Variants in CFTR observed in about 807,000 individuals in gnomAD.
CFTR encodes the protein CF transmembrane conductance regulator.
A neutral mutation model predicts 171.6 loss-of-function variants in CFTR; 181 were observed. The observed-to-expected ratio is 1.05, with a 90% CI of 0.93 to 1.19. The LOEUF is 1.19. Ranked by LOEUF, CFTR falls within the 50% of genes most tolerant of loss-of-function variation. The pLI is 0.00. For synonymous variants in CFTR, 583 were observed against 608.0 expected, an observed-to-expected ratio of 0.96 and a Z score of 0.60; for missense variants, 1,968 against 1,734.7, an observed-to-expected ratio of 1.13 and a Z score of -2.39.
chr7:117,615,677 T>C (rs1377645659), intron 21 of CFTR, among the ~76,000 whole-genome samples: 1 of 151,828 alleles, frequency 6.6e-6, no homozygotes, highest in Non-Finnish European at 1.5e-5. Context: ...CCATTAATAT[T>C]ATAGTAATGC....
At position 117,610,529 on chromosome 7, in the gene CFTR, TTG is replaced by T. The variant is rs397508477; in HGVS notation, c.3002_3003del (p.Val1001AspfsTer45). The T allele has an allele frequency of 1.2e-6, 2 of 1,613,322 alleles. No individual in the cohort carries two copies. Among genetic ancestry groups the T allele is most frequent in the Non-Finnish European group, 1.7e-6 (2 of 1,179,482 alleles). On this transcript the variant is annotated frameshift_variant, in exon 19 of 27. Transcript: ENST00000003084. LOFTEE classifies it high-confidence loss of function. ...TCTTTGATCTTACAGTTGTTATTAA[TTG>T]TGATTGGAGCTATAGCAGTTGTCGC... is the stretch of plus-strand genomic sequence containing the variant.
intron 11 of CFTR, among the ~76,000 whole-genome samples, chr7:117,562,214 G>A (rs1041605458): frequency 3.3e-5 from 5 of 152,152 alleles, no homozygotes; most frequent in Non-Finnish European, 7.4e-5. Flanking sequence ...CCTTTGAGGT[G>A]AAGAATACTG....
At chr7:117,600,239 C>T (rs1262400347) in intron 15 of CFTR, among the ~76,000 whole-genome samples, 4 of 151,904 alleles carry the variant, frequency 2.6e-5, no homozygotes, top group African/African-American at 9.7e-5. Context: ...AGGGCAGTAT[C>T]TTTTGTAAGT....
intron 3 of CFTR, among the ~76,000 whole-genome samples, chr7:117,510,603 T>A (rs1218894456): frequency 6.6e-6 from 1 of 151,942 alleles, no homozygotes; most frequent in Non-Finnish European, 1.5e-5. Context: ...GGAAGAGGGG[T>A]CTAATTAGAA....
intron 1 of CFTR, among the ~76,000 whole-genome samples, chr7:117,491,970 A>G (rs1798166370): frequency 6.6e-6 from 1 of 152,120 alleles, no homozygotes; most frequent in Non-Finnish European, 1.5e-5. Flanking sequence ...TACCTCATGT[A>G]TAGTGGTCCA....
chr7:117,642,364 G>T, intron 22 of CFTR, 74 bp from the exon 23 acceptor site: 1 of 1,360,702 alleles, frequency 7.3e-7, no homozygotes, highest in Non-Finnish European at 1.1e-6. Context: ...TTTTATTGAA[G>T]TACAATACTG....
chr7:117,633,892 C>T (rs538383905), intron 22 of CFTR, among the ~76,000 whole-genome samples: 5 of 151,920 alleles, frequency 3.3e-5, no homozygotes, highest in East Asian at 1.9e-4. Context: ...ATGTTGAGTT[C>T]GATTTGCTAA....
chr7:117,540,020 C>T lies in CFTR; in HGVS notation c.870-80C>T, dbSNP rs555127124. 1.5e-5 allele frequency: 18 copies of T among 1,222,398 alleles called. No individual in the cohort carries two copies. In the East Asian group the frequency reaches 3.8e-4, roughly 26 times the overall value. 75.7% of individuals were successfully genotyped at this position (1,222,398 alleles called of 1,614,324 possible). A position where few individuals can be genotyped will look rare whatever the true frequency, so the allele number is the denominator to read the frequency against. On this transcript the variant is annotated intron_variant, in intron 7 of 26. Coordinates refer to ENST00000003084, the MANE Select transcript of CFTR (RefSeq NM_000492.4). ...AGGCAGAAAGACTCTAGAGACCATG[C>T]TCAGATCTTCCATTCCAAGATCCCT...
rs1467021688 is a variant in CFTR at position 117,606,769 on chromosome 7, T to C, written c.2988+16T>C. On this transcript the variant is annotated intron_variant, in intron 18 of 26. Transcript: ENST00000003084. ...CTTCATCCAGGTATGTAAAAATAAGTACCGTTAAGTATGTCTGTATTATTA... is the reference window on the plus strand; with the variant it reads ...CTTCATCCAGGTATGTAAAAATAAGCACCGTTAAGTATGTCTGTATTATTA... 7.7e-7 allele frequency: 1 copy of C among 1,298,382 alleles called. No homozygotes were observed. The highest frequency in any genetic ancestry group is 1.2e-5 in the South Asian group (1 of 84,360). 80.4% of individuals were successfully genotyped at this position (1,298,382 alleles called of 1,614,324 possible).
chr7:117,654,549 T>A (rs1793137976), intron 24 of CFTR, among the ~76,000 whole-genome samples: 1 of 152,132 alleles, frequency 6.6e-6, no homozygotes, highest in Non-Finnish European at 1.5e-5. Context: ...TGGGCATGGT[T>A]TTCCCATGCT....
intron 24 of CFTR, among the ~76,000 whole-genome samples, chr7:117,661,767 G>A (rs1005032157): frequency 1.1e-4 from 16 of 151,982 alleles, no homozygotes; most frequent in African/African-American, 2.9e-4. Flanking sequence ...TGTGGGAGCC[G>A]CTTTCCACAA....
At chr7:117,649,693 A>G (rs1408264032) in intron 23 of CFTR, among the ~76,000 whole-genome samples, 1 of 152,026 alleles carries the variant, frequency 6.6e-6, no homozygotes, top group African/African-American at 2.4e-5. Context: ...TATTATGAAC[A>G]CAGCTTTTGC....
At chr7:117,599,828 G>C (rs947627426) in intron 15 of CFTR, among the ~76,000 whole-genome samples, 3 of 152,004 alleles carry the variant, frequency 2.0e-5, no homozygotes, top group Non-Finnish European at 4.4e-5. Flanking sequence ...TATGATACCA[G>C]TGTGCCCATT....
intron 6 of CFTR, among the ~76,000 whole-genome samples, chr7:117,535,823 C>T (rs752147596): frequency 2.6e-5 from 4 of 152,178 alleles, no homozygotes; most frequent in Middle Eastern, 3.4e-3. Context: ...CATGAGCTAC[C>T]GCGCCCGGCC....
intron 11 of CFTR, among the ~76,000 whole-genome samples, chr7:117,570,412 C>T (rs934279966): frequency 1.3e-5 from 2 of 152,050 alleles, no homozygotes; most frequent in East Asian, 1.9e-4. Context: ...TTGTGTCTTC[C>T]GCAGTTGCTT....
intron 19 of CFTR, 28 bp downstream of exon 19, chr7:117,610,697 C>T (rs2116081520): frequency 6.2e-7 from 1 of 1,611,272 alleles, no homozygotes; most frequent in East Asian, 2.2e-5. Context: ...CGATACTCAT[C>T]TTGTAAAAAA....
At chr7:117,616,304 T>A (rs2116100870) in intron 21 of CFTR, 1 of 152,176 alleles carries the variant, frequency 6.6e-6, no homozygotes, top group African/African-American at 2.4e-5. Context: ...TCCAGTATGC[T>A]TTTGGAGTTG....
chr7:117,548,216 C>A (rs545921413), intron 9 of CFTR, among the ~76,000 whole-genome samples: 18 of 152,048 alleles, frequency 1.2e-4, no homozygotes, highest in Non-Finnish European at 2.6e-4. Context: ...TGACTTTAGT[C>A]ATTTAACTGC....
At chr7:117,576,266 CCA>C (rs890883970) in intron 11 of CFTR, among the ~76,000 whole-genome samples, 1 of 152,030 alleles carries the variant, frequency 6.6e-6, no homozygotes, top group Admixed American at 6.6e-5. Flanking sequence ...ATTCAATCAA[CCA>C]CAGATAGAAA....
Sources: gnomAD v4.1 joint callset for allele counts (sites outside exome capture counted in the v4.1 genomes callset) on GRCh38, gnomAD v4.1.1 for gene constraint, MANE v1.5 for transcripts, NCBI Gene and HGNC (gene_info 2026-07-23, HGNC 2026-07-21) for gene names.